Variants in AAK1 observed in about 807,000 individuals in gnomAD.
AAK1 encodes the protein AP2 associated kinase 1.
In AAK1, 37 loss-of-function variants were observed where a neutral mutation model predicts 116.0. The observed-to-expected ratio is 0.32, with a 90% CI of 0.25 to 0.42. AAK1 has a LOEUF of 0.42. AAK1 is among the 10% of genes least tolerant of loss of function. The pLI is 1.00. For synonymous variants in AAK1, 458 were observed against 439.9 expected, an observed-to-expected ratio of 1.04 and a Z score of -0.51; for missense variants, 919 against 1,170.6, an observed-to-expected ratio of 0.79 and a Z score of 3.14.
intron 2 of AAK1, among the ~76,000 whole-genome samples, chr2:69,612,608 G>A (rs1315153618): frequency 6.6e-6 from 1 of 152,190 alleles, no homozygotes; most frequent in Non-Finnish European, 1.5e-5. Flanking sequence ...TATGATAAAG[G>A]TTCTTTCTAG....
intron 2 of AAK1, among the ~76,000 whole-genome samples, chr2:69,625,724 T>C (rs889296423): frequency 8.5e-5 from 13 of 152,244 alleles, no homozygotes; most frequent in Non-Finnish European, 1.8e-4. Context: ...ACAGGAAATA[T>C]ATGTATAAAA....
rs1192467017 is a variant in AAK1, at chr2:69,642,800, A to T, written c.163+78T>A. On this transcript the variant is annotated intron_variant, in intron 2 of 21. Coordinates refer to ENST00000409085, the MANE Select transcript of AAK1 (RefSeq NM_014911.5). Reference sequence around the variant, plus strand: ...GGTCAACTGGTCAAAGCCCATTCATACATGCAACAACTAGAAACCACAGTA... The same window carrying T: ...GGTCAACTGGTCAAAGCCCATTCATTCATGCAACAACTAGAAACCACAGTA... 3 of 1,590,234 alleles carry T rather than the reference A, an allele frequency of 1.9e-6. No individual in the cohort carries two copies. In the East Asian group the frequency reaches 6.7e-5, roughly 36 times the overall value.
At chr2:69,563,542 A>G (rs996572900) in intron 2 of AAK1, among the ~76,000 whole-genome samples, 5 of 152,206 alleles carry the variant, frequency 3.3e-5, no homozygotes, top group South Asian at 2.1e-4. Flanking sequence ...CACTCCTAAC[A>G]TAAGTCCTAT....
intron 17 of AAK1, among the ~76,000 whole-genome samples, chr2:69,487,989 C>G (rs897004062): frequency 1.3e-5 from 2 of 151,834 alleles, no homozygotes; most frequent in African/African-American, 4.8e-5. Flanking sequence ...TGGGGTTTCG[C>G]CATGTGGGCC....
At chr2:69,493,323 G>A (rs966706076) in intron 17 of AAK1, among the ~76,000 whole-genome samples, 24 of 151,876 alleles carry the variant, frequency 1.6e-4, no homozygotes, top group African/African-American at 4.8e-4. Flanking sequence ...GGGGCTAAAC[G>A]ACCTGCTGAG....
intron 4 of AAK1, among the ~76,000 whole-genome samples, chr2:69,542,961 G>T (rs925439467): frequency 1.3e-5 from 2 of 152,216 alleles, no homozygotes; most frequent in East Asian, 3.8e-4. Context: ...ATATGGTCCT[G>T]CTTTAGTTGC....
At chr2:69,498,633 T>C (rs899278373) in intron 16 of AAK1, among the ~76,000 whole-genome samples, 2 of 152,102 alleles carry the variant, frequency 1.3e-5, no homozygotes, top group Non-Finnish European at 2.9e-5. Flanking sequence ...CCCTTAATGC[T>C]ACCTCCTCAG....
intron 16 of AAK1, among the ~76,000 whole-genome samples, chr2:69,505,045 T>G (rs988040404): frequency 6.6e-6 from 1 of 152,154 alleles, no homozygotes. Context: ...AAGTCTCATT[T>G]AAAAAAACCT....
At chr2:69,510,932 G>T (rs554347069) in intron 13 of AAK1, among the ~76,000 whole-genome samples, 2 of 152,256 alleles carry the variant, frequency 1.3e-5, no homozygotes, top group South Asian at 2.1e-4. Flanking sequence ...TTTCAAAACA[G>T]GCCAAACTGC....
chr2:69,607,034 C>A (rs1449270918), intron 2 of AAK1, among the ~76,000 whole-genome samples: 1 of 142,364 alleles, frequency 7.0e-6, no homozygotes, highest in Non-Finnish European at 1.5e-5. Flanking sequence ...CAATTGCACT[C>A]CAGTCTTGCC....
rs1674647204 is a variant in AAK1 at position 69,470,734 on chromosome 2, G to C, written c.*5135C>G. The C allele has an allele frequency of 2.0e-6, 2 of 985,400 alleles. No homozygotes were observed. The highest frequency in any genetic ancestry group is 1.2e-4 in the Admixed American group (2 of 16,248). The allele number at this position is 985,400 out of a possible 1,614,324, so 61.0% of individuals were successfully genotyped here. ...CTTATTCTCCTTGAGACTAAAACAGGGGTTTTACTCTCTCAGGTAGCCATG... is the reference window on the plus strand; with the variant it reads ...CTTATTCTCCTTGAGACTAAAACAGCGGTTTTACTCTCTCAGGTAGCCATG... On this transcript the variant is annotated 3_prime_UTR_variant, in exon 22 of 22. Coordinates refer to ENST00000409085, the MANE Select transcript of AAK1 (RefSeq NM_014911.5).
intron 2 of AAK1, among the ~76,000 whole-genome samples, chr2:69,622,505 G>A (rs556135709): frequency 0.022 from 3,329 of 152,358 alleles, 109 homozygotes; most frequent in African/African-American, 0.074. Flanking sequence ...CTGGGCTCCC[G>A]AGTCTAGTGG....
intron 2 of AAK1, among the ~76,000 whole-genome samples, chr2:69,567,900 G>A (rs140213538): frequency 5.4e-4 from 83 of 152,320 alleles, no homozygotes; most frequent in African/African-American, 1.8e-3. Context: ...CTCTTCAGTT[G>A]AGAGGGAAAA....
intron 3 of AAK1, among the ~76,000 whole-genome samples, chr2:69,549,015 G>A (rs1033600095): frequency 1.3e-5 from 2 of 152,108 alleles, no homozygotes; most frequent in African/African-American, 4.8e-5. Flanking sequence ...TCCACCTCCT[G>A]ATTTTCTAGA....
chr2:69,480,882 T>C lies in AAK1; in HGVS notation c.2547A>G (p.Glu849=), dbSNP rs753095332. 5.6e-6 allele frequency: 9 copies of C among 1,603,184 alleles called. No individual in the cohort carries two copies. Among genetic ancestry groups the C allele is most frequent in the Non-Finnish European group, 6.8e-6 (8 of 1,175,504 alleles). Residue 849 remains glutamate (E), a synonymous_variant, in exon 19 of 22, where the codon GAA becomes GAG. Coordinates refer to ENST00000409085, the MANE Select transcript of AAK1 (RefSeq NM_014911.5). ...GACCTGTGCGATTCGAGGTCACAGA[T>C]TCCGTCTGAGATGGGAGGCGCTGGG... The part of the protein sequence containing the change: ...PVPQRLPSQT[E]SVTSNRTDSL...
intron 5 of AAK1, among the ~76,000 whole-genome samples, chr2:69,540,893 T>C (rs946687045): frequency 3.9e-5 from 6 of 152,234 alleles, no homozygotes; most frequent in Admixed American, 1.3e-4. Flanking sequence ...CAAAATGTGG[T>C]ACATCCATAC....
intron 2 of AAK1, among the ~76,000 whole-genome samples, chr2:69,587,552 G>A (rs540163680): frequency 3.2e-4 from 49 of 151,382 alleles, no homozygotes; most frequent in African/African-American, 9.9e-4. Flanking sequence ...TGCAACCTCC[G>A]CCTCTTGGGT....
chr2:69,501,322 AAAT>A (rs1478298899), intron 16 of AAK1, among the ~76,000 whole-genome samples: 3 of 152,222 alleles, frequency 2.0e-5, no homozygotes, highest in African/African-American at 7.2e-5. Context: ...CATAACTCCA[AAAT>A]AATAATGAGA....
At position 69,643,182 on chromosome 2, in the gene AAK1, T is replaced by A. The variant is rs187091053; in HGVS notation, c.-142A>T. The A allele has an allele frequency of 1.8e-4, 252 of 1,409,238 alleles. 4 individuals are homozygous for A. In the Middle Eastern group the frequency reaches 2.4e-3, roughly 13 times the overall value. The allele number at this position is 1,409,238 out of a possible 1,614,324, so 87.3% of individuals were successfully genotyped here. On this transcript the variant is annotated 5_prime_UTR_variant, in exon 2 of 22. Transcript: ENST00000409085. ...AGCCACCCGAATCCGGCCGTGGGGG[T>A]GGGGGCTGAGGGAGGATGCCTATAG...
Sources: gnomAD v4.1 joint callset for allele counts (sites outside exome capture counted in the v4.1 genomes callset) on GRCh38, gnomAD v4.1.1 for gene constraint, MANE v1.5 for transcripts, NCBI Gene and HGNC (gene_info 2026-07-23, HGNC 2026-07-21) for gene names.